CASR: variants seen among roughly 807,000 people sequenced by gnomAD.
CASR encodes the protein calcium sensing receptor.
In CASR, 23 loss-of-function variants were observed where a neutral mutation model predicts 69.1. That is an observed-to-expected ratio of 0.33 (90% CI 0.24 to 0.47). The LOEUF (loss-of-function observed/expected upper bound fraction) is 0.47. Ranked by LOEUF, CASR falls within the 20% of genes least tolerant of loss-of-function variation. The pLI is 1.00. For synonymous variants in CASR, 541 were observed against 544.7 expected (o/e 0.99, Z 0.10); for missense variants, 924 against 1,356.1 (o/e 0.68, Z 5.00).
At chr3:122,206,797 CCT>C (rs2074011695) in intron 1 of CASR, among the ~76,000 whole-genome samples, 3 of 151,902 alleles carry the variant, frequency 2.0e-5, no homozygotes, top group African/African-American at 4.8e-5. Context: ...CATGTTTCAA[CCT>C]TCGTAGATTG....
intron 1 of CASR, among the ~76,000 whole-genome samples, chr3:122,237,766 G>T (rs1216993422): frequency 6.6e-6 from 1 of 152,186 alleles, no homozygotes; most frequent in African/African-American, 2.4e-5. Flanking sequence ...TGACCACAAT[G>T]AAAAAGACTG....
chr3:122,217,996 C>G (rs1304349715), intron 1 of CASR, among the ~76,000 whole-genome samples: 1 of 152,050 alleles, frequency 6.6e-6, no homozygotes, highest in Non-Finnish European at 1.5e-5. Context: ...CAGGCATGGT[C>G]TCATTGCAGA....
At chr3:122,189,412 GA>G (rs1266240024) in intron 1 of CASR, among the ~76,000 whole-genome samples, 1 of 152,158 alleles carries the variant, frequency 6.6e-6, no homozygotes, top group East Asian at 1.9e-4. Context: ...TCCTCACATT[GA>G]AAAAGCAGGA....
intron 1 of CASR, among the ~76,000 whole-genome samples, chr3:122,252,409 A>AAAAGAAAGAAAGAAAAAGAAAG (rs2074500687): frequency 3.1e-4 from 2 of 6,474 alleles, no homozygotes; most frequent in East Asian, 1.9e-3. Flanking sequence ...GAAGGAAGGA[A>AAAAGAAAGAAAGAAAAAGAAAG]AAAGAAAGAA....
chr3:122,196,317 A>T (rs1322716601), intron 1 of CASR, among the ~76,000 whole-genome samples: 1 of 152,192 alleles, frequency 6.6e-6, no homozygotes, highest in Non-Finnish European at 1.5e-5. Context: ...TAAAAAATAG[A>T]TACTACAAAA....
At chr3:122,204,369 T>G (rs777889624) in intron 1 of CASR, among the ~76,000 whole-genome samples, 24 of 152,216 alleles carry the variant, frequency 1.6e-4, no homozygotes, top group Non-Finnish European at 3.5e-4. Flanking sequence ...CTTACTATAA[T>G]GATCTCTAGT....
chr3:122,271,327 G>C (rs1341156041), intron 4 of CASR, among the ~76,000 whole-genome samples: 1 of 152,148 alleles, frequency 6.6e-6, no homozygotes, highest in Non-Finnish European at 1.5e-5. Context: ...ATGAAGTGTG[G>C]GTACAACATT....
At chr3:122,255,593 C>A (rs1160442887) in intron 2 of CASR, among the ~76,000 whole-genome samples, 1 of 152,066 alleles carries the variant, frequency 6.6e-6, no homozygotes, top group Non-Finnish European at 1.5e-5. Flanking sequence ...TGTATACAGA[C>A]CTAAGATCAA....
chr3:122,218,617 A>T (rs1423274253), intron 1 of CASR, among the ~76,000 whole-genome samples: 1 of 12,536 alleles, frequency 8.0e-5, no homozygotes, highest in Admixed American at 1.9e-3. Context: ...AAGGAGGTAG[A>T]AGAAGAAGAA....
chr3:122,227,512 G>A (rs1011335670), intron 1 of CASR, among the ~76,000 whole-genome samples: 2 of 152,214 alleles, frequency 1.3e-5, no homozygotes. Flanking sequence ...AACTTGTGCT[G>A]GCCCGCAAGC....
intron 1 of CASR, among the ~76,000 whole-genome samples, chr3:122,250,809 A>T (rs1233049633): frequency 2.0e-5 from 3 of 152,236 alleles, no homozygotes; most frequent in Non-Finnish European, 4.4e-5. Flanking sequence ...GTGCTGCAGG[A>T]CAAAGTTGAA....
intron 1 of CASR, among the ~76,000 whole-genome samples, chr3:122,221,054 G>A (rs1416854847): frequency 6.6e-6 from 1 of 152,180 alleles, no homozygotes; most frequent in East Asian, 1.9e-4. Flanking sequence ...CCCAGCCAAT[G>A]CTAATTTCTA....
intron 1 of CASR, among the ~76,000 whole-genome samples, chr3:122,232,625 G>A (rs887731827): frequency 3.3e-5 from 5 of 152,158 alleles, no homozygotes; most frequent in Non-Finnish European, 4.4e-5. Flanking sequence ...TGTATGCAGG[G>A]CCCAGGAATC....
chr3:122,290,748 C>T lies in CASR; in HGVS notation c.*5557C>T, dbSNP rs2075006010. The T allele has an allele frequency of 6.6e-6, 1 of 151,354 alleles. No homozygotes were observed. 9.4% of individuals were successfully genotyped at this position (151,354 alleles called of 1,614,324 possible). Reference sequence around the variant, plus strand: ...TCTTTATTCTTTTTTTTTTATTATACTTTAAGTTTTAGGGTACATGTGCAC... The same window carrying T: ...TCTTTATTCTTTTTTTTTTATTATATTTTAAGTTTTAGGGTACATGTGCAC... On this transcript the variant is annotated 3_prime_UTR_variant, in exon 7 of 7. Transcript: ENST00000639785.
At chr3:122,215,112 A>G (rs529805936) in intron 1 of CASR, among the ~76,000 whole-genome samples, 12 of 152,210 alleles carry the variant, frequency 7.9e-5, no homozygotes, top group Non-Finnish European at 1.6e-4. Context: ...GTCTTTGCCT[A>G]TGCACTTGAG....
chr3:122,238,939 T>C (rs1576841448), intron 1 of CASR, among the ~76,000 whole-genome samples: 1 of 152,324 alleles, frequency 6.6e-6, no homozygotes, highest in Non-Finnish European at 1.5e-5. Flanking sequence ...CCAGGTAGTG[T>C]GCCATGGGCT....
chr3:122,207,768 G>A (rs780726806), intron 1 of CASR, among the ~76,000 whole-genome samples: 13 of 152,126 alleles, frequency 8.5e-5, no homozygotes, highest in African/African-American at 1.4e-4. Flanking sequence ...ATTACTTTTC[G>A]TTACTGTTGT....
intron 1 of CASR, among the ~76,000 whole-genome samples, chr3:122,230,442 G>A (rs1157119917): frequency 6.6e-6 from 1 of 152,232 alleles, no homozygotes; most frequent in Non-Finnish European, 1.5e-5. Flanking sequence ...GCGTGAGAGG[G>A]ACGCAGGAGC....
rs555251441 is a variant in CASR, at chr3:122,257,638, A to T, written c.492+251A>T. 93 of 435,852 alleles carry T rather than the reference A, an allele frequency of 2.1e-4. 1 individual carries two copies. In the South Asian group the frequency reaches 3.9e-3, roughly 18 times the overall value. The allele number at this position is 435,852 out of a possible 1,614,324, so 27.0% of individuals were successfully genotyped here. Reference sequence around the variant, plus strand: ...CTTGCATAAAACTGTGTCTTTTTTTAAAAAGAGGCATTCAGTTATTTATTT... The same window carrying T: ...CTTGCATAAAACTGTGTCTTTTTTTTAAAAGAGGCATTCAGTTATTTATTT... On this transcript the variant is annotated intron_variant, in intron 3 of 6. Transcript: ENST00000639785.
Sources: allele counts gnomAD v4.1 joint callset (sites outside exome capture counted in the v4.1 genomes callset), GRCh38; gene constraint gnomAD v4.1.1; transcripts MANE v1.5; gene names NCBI Gene and HGNC (gene_info 2026-07-23, HGNC 2026-07-21).